Variants in ZFHX3 observed in about 807,000 individuals in gnomAD.
ZFHX3 encodes zinc finger homeobox protein 3.
A neutral mutation model predicts 279.1 loss-of-function variants in ZFHX3; 42 were observed. The ratio of observed to expected loss-of-function variants is 0.15; its 90% confidence interval spans 0.12 to 0.19. The LOEUF is 0.19. ZFHX3 is among the 10% of genes least tolerant of loss of function. The pLI is 1.00. For missense variants in ZFHX3, 4,981 were observed against 4,754.0 expected, an observed-to-expected ratio of 1.05 and a Z score of -1.40; for synonymous variants, 2,293 against 1,957.8, an observed-to-expected ratio of 1.17 and a Z score of -4.52.
At chr16:73,288,782 A>G (rs2014697104) in intron 4 of ZFHX3, among the ~76,000 whole-genome samples, 1 of 151,998 alleles carries the variant, frequency 6.6e-6, no homozygotes, top group East Asian at 1.9e-4. Flanking sequence ...TGCAGTGCGT[A>G]TATCTTCGGT....
At chr16:72,840,412 C>T (rs879402679) in intron 4 of ZFHX3, among the ~76,000 whole-genome samples, 31 of 152,060 alleles carry the variant, frequency 2.0e-4, no homozygotes, top group Non-Finnish European at 2.9e-4. Context: ...GATGGAGGGG[C>T]GGCCATGCAG....
At chr16:72,882,296 T>A (rs1177684843) in intron 4 of ZFHX3, among the ~76,000 whole-genome samples, 1 of 151,406 alleles carries the variant, frequency 6.6e-6, no homozygotes, top group Non-Finnish European at 1.5e-5. Context: ...GAAGATAGCA[T>A]GGAAGACAGC....
chr16:73,306,598 G>C (rs1424306512), intron 4 of ZFHX3, among the ~76,000 whole-genome samples: 1 of 152,178 alleles, frequency 6.6e-6, no homozygotes, highest in African/African-American at 2.4e-5. Flanking sequence ...GCTGGGATTG[G>C]AGGCGTGAGC....
chr16:73,175,609 T>C (rs1281226647), intron 5 of ZFHX3, among the ~76,000 whole-genome samples: 1 of 152,206 alleles, frequency 6.6e-6, no homozygotes, highest in Non-Finnish European at 1.5e-5. Context: ...AGGTGCTCGA[T>C]AAAGGGAAGT....
At chr16:73,728,845 AC>A (rs1178023194) in intron 1 of ZFHX3, among the ~76,000 whole-genome samples, 2 of 140,228 alleles carry the variant, frequency 1.4e-5, no homozygotes, top group East Asian at 2.2e-4. Flanking sequence ...ACACACACAC[AC>A]AAGTGTAACT....
chr16:73,708,293 T>C (rs2053325305), intron 1 of ZFHX3, among the ~76,000 whole-genome samples: 1 of 152,214 alleles, frequency 6.6e-6, no homozygotes, highest in Non-Finnish European at 1.5e-5. Context: ...GATTATTCAA[T>C]ATTCACTTTA....
At chr16:73,687,033 TATATATATA>T (rs2053094013) in intron 1 of ZFHX3, among the ~76,000 whole-genome samples, 1 of 51,892 alleles carries the variant, frequency 1.9e-5, no homozygotes, top group African/African-American at 7.1e-5. Flanking sequence ...TATATATATA[TATATATATA>T]TATATATATA....
intron 4 of ZFHX3, among the ~76,000 whole-genome samples, chr16:72,884,074 T>C (rs2038563009): frequency 6.6e-6 from 1 of 151,832 alleles, no homozygotes; most frequent in Non-Finnish European, 1.5e-5. Context: ...TTACACCAAC[T>C]TTGCAAAATA....
intron 5 of ZFHX3, among the ~76,000 whole-genome samples, chr16:73,182,254 C>T (rs188889471): frequency 7.2e-5 from 11 of 152,230 alleles, no homozygotes; most frequent in Non-Finnish European, 1.6e-4. Context: ...GTTGGGAGTT[C>T]GAGACCACCC....
At chr16:73,409,327 G>C (rs1318016433) in intron 3 of ZFHX3, among the ~76,000 whole-genome samples, 2 of 152,124 alleles carry the variant, frequency 1.3e-5, no homozygotes, top group Non-Finnish European at 2.9e-5. Context: ...AAGAAAATAT[G>C]GTTTCATTTG....
At chr16:73,468,957 G>A (rs1490714408) in intron 2 of ZFHX3, among the ~76,000 whole-genome samples, 1 of 152,218 alleles carries the variant, frequency 6.6e-6, no homozygotes, top group Non-Finnish European at 1.5e-5. Context: ...AAGAAGCTGT[G>A]TGATAAGTGC....
At chr16:73,764,135 T>G (rs899085370) in intron 1 of ZFHX3, among the ~76,000 whole-genome samples, 1 of 152,156 alleles carries the variant, frequency 6.6e-6, no homozygotes, top group Non-Finnish European at 1.5e-5. Flanking sequence ...TACACAGGCA[T>G]AGAAAACTAA....
At chr16:73,526,179 A>G (rs2019690071) in intron 2 of ZFHX3, among the ~76,000 whole-genome samples, 2 of 152,238 alleles carry the variant, frequency 1.3e-5, no homozygotes, top group African/African-American at 4.8e-5. Context: ...ATTGTCAGCA[A>G]TGACCATAAG....
Position 72,795,628 on chromosome 16 carries a change from A to G in ZFHX3, c.7054T>C (p.Tyr2352His). 1.2e-6 allele frequency: 2 copies of G among 1,613,774 alleles called. No individual in the cohort carries two copies. Among genetic ancestry groups the G allele is most frequent in the Non-Finnish European group, 8.5e-7 (1 of 1,179,880 alleles). ...TGCCCCTCCTCATCCTCATCCTTGTAACACAGCTTCTTCTGGTGCTTGATG... is the reference window on the plus strand; with the variant it reads ...TGCCCCTCCTCATCCTCATCCTTGTGACACAGCTTCTTCTGGTGCTTGATG... Reference protein sequence around the residue: ...DLIKHQKKLCYKDEDEEGQDD... With the variant: ...DLIKHQKKLCHKDEDEEGQDD... The change falls in exon 9 of 10, where the codon TAC becomes CAC. Residue 2352 changes from tyrosine (Y) to histidine (H), a missense_variant. This residue lies in a region of ZFHX3 where 744 missense variants were observed against 701.3 expected (regional missense o/e 1.06). Transcript: ENST00000268489.
intron 4 of ZFHX3, among the ~76,000 whole-genome samples, chr16:73,289,154 G>A (rs939942348): frequency 6.6e-6 from 1 of 151,546 alleles, no homozygotes; most frequent in African/African-American, 2.4e-5. Context: ...CCAATCGCTG[G>A]CCTGTTCCTA....
chr16:73,795,366 C>T (rs1959959966), intron 1 of ZFHX3, among the ~76,000 whole-genome samples: 1 of 152,180 alleles, frequency 6.6e-6, no homozygotes, highest in African/African-American at 2.4e-5. Flanking sequence ...GTAACAGCTG[C>T]TATCACCATG....
At chr16:73,170,584 C>A (rs190230826) in intron 5 of ZFHX3, among the ~76,000 whole-genome samples, 1 of 152,084 alleles carries the variant, frequency 6.6e-6, no homozygotes, top group African/African-American at 2.4e-5. Flanking sequence ...TGTTCACTGG[C>A]CAGCTGGGAA....
intron 3 of ZFHX3, among the ~76,000 whole-genome samples, chr16:73,356,478 T>C (rs1312286613): frequency 1.3e-5 from 2 of 152,078 alleles, no homozygotes; most frequent in East Asian, 3.9e-4. Flanking sequence ...CTTCAACTTG[T>C]CCCCACGCTG....
chr16:73,205,738 C>T (rs959319873), intron 5 of ZFHX3, among the ~76,000 whole-genome samples: 1 of 152,156 alleles, frequency 6.6e-6, no homozygotes, highest in Non-Finnish European at 1.5e-5. Context: ...ACACAAGGGA[C>T]AGCAGTCCTT....
Sources: gnomAD v4.1 joint callset for allele counts (sites outside exome capture counted in the v4.1 genomes callset) on GRCh38, gnomAD v4.1.1 for gene constraint, gnomAD v4.1.1 regional missense constraint, MANE v1.5 for transcripts, NCBI Gene and HGNC (gene_info 2026-07-23, HGNC 2026-07-21) for gene names.